AHCTF1: variants seen among roughly 807,000 people sequenced by gnomAD.
AHCTF1 encodes protein ELYS.
A neutral mutation model predicts 248.4 loss-of-function variants in AHCTF1; 24 were observed. The ratio of observed to expected loss-of-function variants is 0.10; its 90% CI spans 0.07 to 0.14. The LOEUF is 0.14. Ranked by LOEUF, AHCTF1 falls within the 10% of genes least tolerant of loss-of-function variation. The pLI is 1.00. For synonymous variants in AHCTF1, 786 were observed against 929.8 expected (o/e 0.85, Z 2.81); for missense variants, 2,206 against 2,636.2 (o/e 0.84, Z 3.57).
At chr1:246,853,438 A>G (rs953639752) in intron 31 of AHCTF1, 139 bp from the exon 32 acceptor site, 3 of 625,742 alleles carry the variant, frequency 4.8e-6, no homozygotes, top group Admixed American at 3.4e-5. Flanking sequence ...AAAGTCTGCA[A>G]CTTCTTAAAC....
intron 2 of AHCTF1, among the ~76,000 whole-genome samples, chr1:246,917,086 A>G (rs908303210): frequency 6.6e-6 from 1 of 152,196 alleles, no homozygotes; most frequent in Non-Finnish European, 1.5e-5. Context: ...TAACTATCTG[A>G]TTTATGCATG....
chr1:246,907,459 C>T (rs1185257142), intron 5 of AHCTF1, 92 bp downstream of exon 5: 2 of 1,142,780 alleles, frequency 1.8e-6, no homozygotes, highest in Non-Finnish European at 2.5e-6. Context: ...ACCCTTTTCT[C>T]ACTATGCTAA....
chr1:246,861,042 A>G lies in AHCTF1; in HGVS notation c.3989T>C (p.Leu1330Pro). 1 of 1,614,002 alleles carries G rather than the reference A, an allele frequency of 6.2e-7. No individual in the cohort carries two copies. Among genetic ancestry groups the G allele is most frequent in the Non-Finnish European group, 8.5e-7 (1 of 1,179,908 alleles). The change falls in exon 29 of 36, where the codon CTT becomes CCT. Residue 1330 changes from leucine (L) to proline (P), a missense_variant. Around this residue, in one of 6 missense-constraint regions of AHCTF1, gnomAD observed 955 missense variants for 1,055.6 expected, o/e 0.90. Transcript: ENST00000648844. ...EYQDAPSPED[L>P]EETVFTASKP... ...AGAGGCCGTGAAAACAGTCTCTTCAAGGTCTTCCGGTGACGGTGCATCCTG... is the reference window on the plus strand; with the variant it reads ...AGAGGCCGTGAAAACAGTCTCTTCAGGGTCTTCCGGTGACGGTGCATCCTG...
intron 2 of AHCTF1, 77 bp from the exon 3 acceptor site, chr1:246,916,472 C>A (rs1170560538): frequency 4.7e-6 from 6 of 1,279,338 alleles, no homozygotes; most frequent in South Asian, 4.3e-5. Context: ...CATTTACATA[C>A]AACTATATGT....
chr1:246,882,388 A>G (rs928782787), intron 21 of AHCTF1, among the ~76,000 whole-genome samples: 8 of 152,208 alleles, frequency 5.3e-5, no homozygotes, highest in African/African-American at 1.9e-4. Flanking sequence ...CAATTTAGAA[A>G]CCAACAACAC....
At chr1:246,924,225 T>C (rs1173399864) in intron 1 of AHCTF1, among the ~76,000 whole-genome samples, 6 of 152,166 alleles carry the variant, frequency 3.9e-5, no homozygotes, top group Non-Finnish European at 1.5e-5. Context: ...TAAAGAAATA[T>C]TTACATTAAA....
At chr1:246,843,950 G>GT (rs1189527291) in intron 33 of AHCTF1, 22 bp from the exon 34 acceptor site, 4 of 1,379,846 alleles carry the variant, frequency 2.9e-6, no homozygotes, top group Admixed American at 2.7e-5. Flanking sequence ...TGAAAAAACT[G>GT]TATCTGTATC....
At chr1:246,893,836 T>C (rs539599198) in intron 14 of AHCTF1, among the ~76,000 whole-genome samples, 6 of 152,354 alleles carry the variant, frequency 3.9e-5, no homozygotes, top group East Asian at 1.9e-4. Context: ...AGACAAGTTA[T>C]AATCCTAAAA....
At chr1:246,857,529 T>C (rs528881071) in intron 30 of AHCTF1, among the ~76,000 whole-genome samples, 162 bp downstream of exon 30, 1 of 152,342 alleles carries the variant, frequency 6.6e-6, no homozygotes, top group South Asian at 2.1e-4. Flanking sequence ...CTAAATGACA[T>C]ATAACTGCAC....
At chr1:246,892,617 G>A (rs1052012387) in intron 14 of AHCTF1, among the ~76,000 whole-genome samples, 10 of 151,824 alleles carry the variant, frequency 6.6e-5, no homozygotes, top group East Asian at 3.9e-4. Context: ...CACTGTGCCC[G>A]ACCTAATTTG....
chr1:246,857,660 A>T (rs41304153), intron 30 of AHCTF1, 31 bp downstream of exon 30: 1 of 1,574,158 alleles, frequency 6.4e-7, no homozygotes, highest in Admixed American at 1.9e-5. Context: ...CTTCTTTCTA[A>T]AAGTATTTGA....
intron 1 of AHCTF1, among the ~76,000 whole-genome samples, chr1:246,930,925 C>T (rs2103269877): frequency 6.6e-6 from 1 of 152,262 alleles, no homozygotes; most frequent in African/African-American, 2.4e-5. Context: ...AACAAAATTT[C>T]CCCATCTCTC....
intron 1 of AHCTF1, among the ~76,000 whole-genome samples, chr1:246,927,002 G>A (rs528191338): frequency 9.2e-5 from 14 of 151,670 alleles, no homozygotes; most frequent in East Asian, 2.0e-4. Flanking sequence ...GTGAAATCCC[G>A]TCTCTACTAA....
At chr1:246,894,456 G>A (rs1664425557) in intron 14 of AHCTF1, among the ~76,000 whole-genome samples, 1 of 152,004 alleles carries the variant, frequency 6.6e-6, no homozygotes, top group Non-Finnish European at 1.5e-5. Context: ...CAGGAGAATG[G>A]CGTTTGAACC....
chr1:246,891,011 C>A lies in AHCTF1; in HGVS notation c.1995G>T (p.Gln665His), dbSNP rs370907992. 6.4e-7 allele frequency: 1 copy of A among 1,561,650 alleles called. No individual in the cohort carries two copies. Among genetic ancestry groups the A allele is most frequent in the African/African-American group, 1.4e-5 (1 of 72,300 alleles). ...AGAACCAAAGAACCACTTGTGCATA[C>A]TGACAGATGAGGTGGGAAACCACAA... ...NKFVVSHLIC[Q>H]YAQVVLWFSH... Residue 665 changes from glutamine (Q) to histidine (H), a missense_variant, in exon 16 of 36, where the codon CAG (glutamine) becomes CAT (histidine). Gln to His is a conservative substitution (Grantham distance 24, BLOSUM62 0). This residue lies in a region of AHCTF1 where 650 missense variants were observed against 870.8 expected (regional missense o/e 0.75). Transcript: ENST00000648844.
chr1:246,908,893 G>A (rs1414975231), intron 4 of AHCTF1, among the ~76,000 whole-genome samples: 6 of 147,500 alleles, frequency 4.1e-5, no homozygotes, highest in Non-Finnish European at 6.0e-5. Flanking sequence ...GCAAGACTCC[G>A]TCTCAAAAGA....
At chr1:246,842,337 T>C (rs1011369272) in intron 35 of AHCTF1, among the ~76,000 whole-genome samples, 3 of 152,050 alleles carry the variant, frequency 2.0e-5, no homozygotes, top group Non-Finnish European at 1.5e-5. Flanking sequence ...ATCCAAGCAC[T>C]ATGGGAGGCC....
chr1:246,892,300 ACTTTTTTTTTTTTTTTTTTT>A (rs1664260662), intron 14 of AHCTF1, among the ~76,000 whole-genome samples: 1 of 76,728 alleles, frequency 1.3e-5, no homozygotes, highest in Admixed American at 1.3e-4. Flanking sequence ...AATTTGTTTT[ACTTTTTTTTTTTTTTTTTTT>A]TTTTTTTTTT....
intron 23 of AHCTF1, among the ~76,000 whole-genome samples, chr1:246,876,532 G>A: frequency 6.6e-6 from 1 of 152,168 alleles, no homozygotes; most frequent in Non-Finnish European, 1.5e-5. Flanking sequence ...GTTGATAAAA[G>A]CAAGACTCAG....
Sources: allele counts gnomAD v4.1 joint callset (sites outside exome capture counted in the v4.1 genomes callset), GRCh38; gene constraint gnomAD v4.1.1; regional missense constraint gnomAD v4.1.1; transcripts MANE v1.5; gene names NCBI Gene and HGNC (gene_info 2026-07-23, HGNC 2026-07-21).